PLCL1: variants seen among roughly 807,000 people sequenced by gnomAD.
PLCL1 encodes the protein inactive phospholipase C-like protein 1.
Under a neutral mutation model 84.4 loss-of-function variants are expected in PLCL1, and 41 were observed. That is an observed-to-expected ratio of 0.49 (90% CI 0.38 to 0.63). The LOEUF (loss-of-function observed/expected upper bound fraction) is 0.63. Ranked by LOEUF, PLCL1 falls within the 30% of genes least tolerant of loss-of-function variation. The probability of loss-of-function intolerance (pLI) is 0.00; values close to 1 mark genes in which losing one functional copy is unlikely to be tolerated. For missense variants in PLCL1, 1,206 were observed against 1,367.8 expected (o/e 0.88, Z 1.87); for synonymous variants, 490 against 488.3 (o/e 1.00, Z -0.05).
chr2:197,864,619 T>C (rs1340990610), intron 1 of PLCL1, among the ~76,000 whole-genome samples: 1 of 151,990 alleles, frequency 6.6e-6, no homozygotes, highest in Non-Finnish European at 1.5e-5. Context: ...TAGCTGGGAC[T>C]ACAGGTGTGT....
chr2:198,025,173 T>C (rs1423563615), intron 1 of PLCL1, among the ~76,000 whole-genome samples: 3 of 152,166 alleles, frequency 2.0e-5, no homozygotes, highest in Admixed American at 2.0e-4. Flanking sequence ...GAGTATTCAT[T>C]CCTGTCTGTT....
intron 1 of PLCL1, among the ~76,000 whole-genome samples, chr2:197,851,759 A>C (rs940896899): frequency 6.6e-6 from 1 of 152,248 alleles, no homozygotes; most frequent in African/African-American, 2.4e-5. Flanking sequence ...CAGGAGGACA[A>C]GAAGGTCTAG....
chr2:197,966,120 A>G (rs578037413), intron 1 of PLCL1, among the ~76,000 whole-genome samples: 1 of 152,078 alleles, frequency 6.6e-6, no homozygotes, highest in African/African-American at 2.4e-5. Context: ...GCCCTATCCT[A>G]CTATGGCTGA....
At chr2:198,054,989 T>A (rs1692026951) in intron 1 of PLCL1, among the ~76,000 whole-genome samples, 1 of 151,980 alleles carries the variant, frequency 6.6e-6, no homozygotes, top group Non-Finnish European at 1.5e-5. Context: ...TTTTGGCAAA[T>A]CAGAAGGTGC....
intron 1 of PLCL1, among the ~76,000 whole-genome samples, chr2:198,023,847 C>G (rs996058926): frequency 6.6e-6 from 1 of 152,078 alleles, no homozygotes; most frequent in African/African-American, 2.4e-5. Context: ...GGTGATTTCT[C>G]AAGGATCTAG....
At chr2:198,017,970 T>C (rs1414333180) in intron 1 of PLCL1, among the ~76,000 whole-genome samples, 2 of 152,206 alleles carry the variant, frequency 1.3e-5, no homozygotes, top group African/African-American at 4.8e-5. Context: ...AGCTCTGGTC[T>C]GCAGCTCCCA....
intron 1 of PLCL1, among the ~76,000 whole-genome samples, chr2:198,017,216 CA>C (rs1691019637): frequency 6.6e-6 from 1 of 152,208 alleles, no homozygotes; most frequent in Non-Finnish European, 1.5e-5. Flanking sequence ...TTCACCTTCA[CA>C]AAGAACAATA....
chr2:198,049,822 G>A (rs951615372), intron 1 of PLCL1, among the ~76,000 whole-genome samples: 10 of 152,206 alleles, frequency 6.6e-5, no homozygotes, highest in Admixed American at 6.5e-5. Flanking sequence ...GAAACTGGGT[G>A]AGCCAGTGCC....
intron 3 of PLCL1, among the ~76,000 whole-genome samples, chr2:198,093,992 G>A (rs1158576795): frequency 6.6e-6 from 1 of 151,928 alleles, no homozygotes; most frequent in African/African-American, 2.4e-5. Context: ...CTATTTATTA[G>A]TCATTAAATA....
intron 1 of PLCL1, among the ~76,000 whole-genome samples, chr2:198,065,876 T>A (rs1692311472): frequency 3.3e-5 from 5 of 152,196 alleles, no homozygotes; most frequent in Admixed American, 3.3e-4. Flanking sequence ...ACATTTAAGT[T>A]GAATATCTCT....
chr2:198,010,618 T>G (rs900543051), intron 1 of PLCL1, among the ~76,000 whole-genome samples: 4 of 151,982 alleles, frequency 2.6e-5, no homozygotes, highest in South Asian at 2.1e-4. Context: ...ACAGTTTTTT[T>G]TGTGTGTCTT....
chr2:198,133,558 TAAA>T (rs149723711), intron 5 of PLCL1, among the ~76,000 whole-genome samples: 3 of 130,356 alleles, frequency 2.3e-5, no homozygotes, highest in African/African-American at 2.9e-5. Context: ...AAAAGAAATC[TAAA>T]AAAAAAAAAA....
In PLCL1 at chr2:198,056,285, T is replaced by C. The variant is rs183275203; in HGVS notation, c.241-27473T>C. Among the ~76,000 whole-genome samples, 4 of 152,314 alleles carry C rather than the reference T, an allele frequency of 2.6e-5. No individual in the cohort carries two copies. In the East Asian group the frequency reaches 5.8e-4, roughly 22 times the overall value. On this transcript the variant is annotated intron_variant, in intron 1 of 5. Coordinates refer to ENST00000428675, the MANE Select transcript of PLCL1 (RefSeq NM_006226.4). ...GCTTTTGGTTTAATAATTTTTTTCT[T>C]ATCCTTACAATATCAAGTTGTTCCC...
chr2:198,099,801 T>C (rs1693287382), intron 3 of PLCL1, among the ~76,000 whole-genome samples: 1 of 152,192 alleles, frequency 6.6e-6, no homozygotes, highest in Non-Finnish European at 1.5e-5. Flanking sequence ...TATAAGGTTT[T>C]GGAGTATGTT....
At chr2:197,854,837 G>C (rs1237684844) in intron 1 of PLCL1, among the ~76,000 whole-genome samples, 1 of 151,988 alleles carries the variant, frequency 6.6e-6, no homozygotes, top group Non-Finnish European at 1.5e-5. Flanking sequence ...CACTTTTTTT[G>C]GTACTGTAAT....
At chr2:198,021,040 C>G (rs1691120374) in intron 1 of PLCL1, among the ~76,000 whole-genome samples, 1 of 152,156 alleles carries the variant, frequency 6.6e-6, no homozygotes, top group South Asian at 2.1e-4. Flanking sequence ...GAAATCATAA[C>G]AAACAGTCTC....
intron 1 of PLCL1, among the ~76,000 whole-genome samples, chr2:197,907,665 G>A (rs1452477728): frequency 6.6e-6 from 1 of 152,132 alleles, no homozygotes; most frequent in Non-Finnish European, 1.5e-5. Context: ...TCTCTCAATT[G>A]TCTCAAAATA....
chr2:198,112,234 G>A (rs1693639529), intron 5 of PLCL1, among the ~76,000 whole-genome samples: 1 of 151,652 alleles, frequency 6.6e-6, no homozygotes, highest in African/African-American at 2.4e-5. Context: ...AGCTTCCCAG[G>A]GCCTGATCAC....
At chr2:197,961,487 T>A (rs1315892394) in intron 1 of PLCL1, among the ~76,000 whole-genome samples, 1 of 152,054 alleles carries the variant, frequency 6.6e-6, no homozygotes, top group Non-Finnish European at 1.5e-5. Flanking sequence ...TTTATTTATA[T>A]ATCCCTTTTC....
Sources: allele counts gnomAD v4.1 joint callset (sites outside exome capture counted in the v4.1 genomes callset), GRCh38; gene constraint gnomAD v4.1.1; transcripts MANE v1.5; gene names NCBI Gene and HGNC (gene_info 2026-07-23, HGNC 2026-07-21).